Variants in CAMTA1 observed in about 807,000 individuals in gnomAD.
The protein encoded by CAMTA1 is calmodulin binding transcription activator 1, also known as calmodulin-binding transcription activator 1.
Under a neutral mutation model 170.9 loss-of-function variants are expected in CAMTA1, and 27 were observed. The observed-to-expected ratio is 0.16, with a 90% CI of 0.12 to 0.22. The LOEUF is 0.22. Among genes scored for constraint, CAMTA1 ranks in the 10% least tolerant of loss-of-function variants. The probability of loss-of-function intolerance (pLI) is 1.00; values close to 1 mark genes in which losing one functional copy is unlikely to be tolerated. For synonymous variants in CAMTA1, 833 were observed against 891.5 expected (o/e 0.93, Z 1.17); for missense variants, 1,619 against 2,217.2 (o/e 0.73, Z 5.42).
intron 1 of CAMTA1, among the ~76,000 whole-genome samples, chr1:6,808,135 C>T (rs187111903): frequency 3.7e-4 from 56 of 151,560 alleles, no homozygotes; most frequent in Middle Eastern, 3.4e-3. Flanking sequence ...AGGTAAGCCT[C>T]GGAAAGTAGG....
At chr1:7,657,902 C>G (rs9434882) in intron 7 of CAMTA1, among the ~76,000 whole-genome samples, 92,641 of 152,060 alleles carry the variant, frequency 0.61, 29,007 homozygotes, top group East Asian at 0.72. Flanking sequence ...ATTTTATAAC[C>G]TTCACAACAT....
At chr1:6,954,086 G>A (rs550866909) in intron 3 of CAMTA1, among the ~76,000 whole-genome samples, 20 of 152,296 alleles carry the variant, frequency 1.3e-4, no homozygotes, top group African/African-American at 4.3e-4. Flanking sequence ...GTGCCATTTG[G>A]GACTTGTCCT....
chr1:7,723,240 A>G (rs1464243734), intron 11 of CAMTA1, among the ~76,000 whole-genome samples: 1 of 152,216 alleles, frequency 6.6e-6, no homozygotes, highest in African/African-American at 2.4e-5. Context: ...TTGTAATGCC[A>G]GAAAGGAAGG....
At chr1:6,994,513 G>A (rs1208990690) in intron 3 of CAMTA1, among the ~76,000 whole-genome samples, 2 of 152,088 alleles carry the variant, frequency 1.3e-5, no homozygotes, top group Non-Finnish European at 2.9e-5. Context: ...CTGGCCTCTT[G>A]TTTTTGATAA....
chr1:7,245,763 G>A (rs916092191), intron 4 of CAMTA1, among the ~76,000 whole-genome samples: 2 of 152,134 alleles, frequency 1.3e-5, no homozygotes, highest in African/African-American at 2.4e-5. Context: ...ATCAGCCTTC[G>A]TTCAGCTTCC....
intron 3 of CAMTA1, among the ~76,000 whole-genome samples, chr1:6,963,699 GGCTGCTGACCTGGCTGGGGGGGCGC>G (rs1187897593): frequency 6.6e-6 from 1 of 152,190 alleles, no homozygotes; most frequent in Non-Finnish European, 1.5e-5. Context: ...TGGTGGGGCG[GGCTGCTGACCTGGCTGGGGGGGCGC>G]GCTCCCGGGG....
intron 4 of CAMTA1, among the ~76,000 whole-genome samples, chr1:7,163,737 A>G (rs1647752895): frequency 1.3e-5 from 2 of 152,152 alleles, no homozygotes; most frequent in African/African-American, 4.8e-5. Context: ...GGTGAACAGT[A>G]TGTCAATGAT....
intron 6 of CAMTA1, among the ~76,000 whole-genome samples, chr1:7,554,030 T>C (rs1422410349): frequency 6.6e-6 from 1 of 152,142 alleles, no homozygotes; most frequent in Non-Finnish European, 1.5e-5. Flanking sequence ...GGATGTGGGC[T>C]CTGTTCTAGT....
At chr1:7,222,378 G>A (rs1326136562) in intron 4 of CAMTA1, among the ~76,000 whole-genome samples, 1 of 152,102 alleles carries the variant, frequency 6.6e-6, no homozygotes, top group African/African-American at 2.4e-5. Context: ...GATCCTCATG[G>A]AACATTCAAT....
intron 19 of CAMTA1, chr1:7,750,978 AAT>A (rs1166889934): frequency 1.5e-6 from 1 of 680,378 alleles, no homozygotes; most frequent in Non-Finnish European, 2.7e-6. Flanking sequence ...TTAGGGAAAA[AAT>A]ATATGTCTGA....
chr1:6,876,979 C>T (rs1201008180), intron 3 of CAMTA1, among the ~76,000 whole-genome samples: 1 of 152,078 alleles, frequency 6.6e-6, no homozygotes, highest in Non-Finnish European at 1.5e-5. Context: ...GGGTTGGACC[C>T]TTCATTTTTG....
intron 5 of CAMTA1, among the ~76,000 whole-genome samples, chr1:7,395,516 G>A (rs953263747): frequency 3.9e-5 from 6 of 152,010 alleles, no homozygotes; most frequent in Non-Finnish European, 8.8e-5. Context: ...TGGACCCTCT[G>A]GCTTTATTCA....
chr1:7,350,259 C>T (rs1557566912), intron 5 of CAMTA1, among the ~76,000 whole-genome samples: 1 of 152,150 alleles, frequency 6.6e-6, no homozygotes, highest in Non-Finnish European at 1.5e-5. Context: ...CGGATTCTCT[C>T]TGTGTCCTAG....
At chr1:7,427,541 G>C (rs1295488736) in intron 5 of CAMTA1, among the ~76,000 whole-genome samples, 1 of 152,182 alleles carries the variant, frequency 6.6e-6, no homozygotes, top group Non-Finnish European at 1.5e-5. Flanking sequence ...TGTATAAATA[G>C]TATTTTATTT....
rs1268876166 is a variant in CAMTA1, at chr1:7,601,225, G to T, written c.511-39175G>T. 8.7e-4 allele frequency among the ~76,000 whole-genome samples: 132 copies of T among 151,662 alleles called. 1 individual carries two copies. The highest frequency in any genetic ancestry group is 3.1e-3 in the African/African-American group (128 of 41,322). On this transcript the variant is annotated intron_variant, in intron 6 of 22. Transcript: ENST00000303635. ...CGGAGACGCTCCTCACTTCCCAGACGGGGTGGCTGCCGGGCGGAGGGGCTC... is the reference window on the plus strand; with the variant it reads ...CGGAGACGCTCCTCACTTCCCAGACTGGGTGGCTGCCGGGCGGAGGGGCTC...
At chr1:7,656,673 C>T (rs939297279) in intron 7 of CAMTA1, among the ~76,000 whole-genome samples, 2 of 152,236 alleles carry the variant, frequency 1.3e-5, no homozygotes, top group Non-Finnish European at 1.5e-5. Flanking sequence ...AAGAGGCTCT[C>T]GGCTGGCAGC....
chr1:7,126,121 A>G (rs571751223), intron 4 of CAMTA1, among the ~76,000 whole-genome samples: 1 of 152,246 alleles, frequency 6.6e-6, no homozygotes, highest in Admixed American at 6.5e-5. Context: ...TTTCACTACC[A>G]TGAGAACAGT....
At chr1:7,508,063 T>C (rs548790588) in intron 6 of CAMTA1, among the ~76,000 whole-genome samples, 1 of 152,348 alleles carries the variant, frequency 6.6e-6, no homozygotes, top group East Asian at 1.9e-4. Context: ...AGCGAAGCCC[T>C]CGCTTATGAT....
chr1:7,100,974 CAGG>C (rs1642647946), intron 4 of CAMTA1, among the ~76,000 whole-genome samples: 1 of 152,236 alleles, frequency 6.6e-6, no homozygotes, highest in Admixed American at 6.5e-5. Flanking sequence ...GACACCCCAA[CAGG>C]AGACTGCCCG....
Sources: allele counts gnomAD v4.1 joint callset (sites outside exome capture counted in the v4.1 genomes callset), GRCh38; gene constraint gnomAD v4.1.1; transcripts MANE v1.5; gene names NCBI Gene and HGNC (gene_info 2026-07-23, HGNC 2026-07-21).